FERMT2: variants seen among roughly 807,000 people sequenced by gnomAD.
The protein encoded by FERMT2 is FERM domain containing kindlin 2.
A neutral mutation model predicts 82.7 loss-of-function variants in FERMT2; 15 were observed. The observed-to-expected ratio is 0.18, with a 90% CI of 0.12 to 0.28. FERMT2 has a LOEUF of 0.28. Ranked by LOEUF, FERMT2 falls within the 10% of genes least tolerant of loss-of-function variation. The probability of loss-of-function intolerance (pLI) is 1.00; values close to 1 mark genes in which losing one functional copy is unlikely to be tolerated. For synonymous variants in FERMT2, 274 were observed against 271.5 expected (o/e 1.01, Z -0.09); for missense variants, 645 against 809.4 (o/e 0.80, Z 2.46).
intron 3 of FERMT2, among the ~76,000 whole-genome samples, chr14:52,917,529 C>G (rs533918770): frequency 2.1e-4 from 32 of 151,830 alleles, no homozygotes; most frequent in East Asian, 9.7e-4. Context: ...TAATAAAAAC[C>G]CTGTTTCACT....
At chr14:52,912,302 T>C (rs985673531) in intron 3 of FERMT2, among the ~76,000 whole-genome samples, 1 of 152,132 alleles carries the variant, frequency 6.6e-6, no homozygotes, top group Non-Finnish European at 1.5e-5. Context: ...CTCTAATATA[T>C]CTACAAATAA....
At chr14:52,897,041 CACACACA>C (rs1329357854) in intron 3 of FERMT2, among the ~76,000 whole-genome samples, 25 of 122,916 alleles carry the variant, frequency 2.0e-4, no homozygotes, top group Admixed American at 1.4e-3. Flanking sequence ...CACACACACA[CACACACA>C]CCATGGTAGA....
intron 3 of FERMT2, among the ~76,000 whole-genome samples, chr14:52,917,442 G>A (rs1888677195): frequency 6.6e-6 from 1 of 152,042 alleles, no homozygotes; most frequent in African/African-American, 2.4e-5. Context: ...TTGACAAAAT[G>A]ACAAAATATC....
chr14:52,929,517 T>C lies in FERMT2; in HGVS notation c.158-10161A>G, dbSNP rs150392296. Among the ~76,000 whole-genome samples the C allele has an allele frequency of 5.0e-3, 760 of 152,304 alleles. 9 individuals are homozygous for C. The highest frequency in any genetic ancestry group is 0.017 in the African/African-American group (727 of 41,578). The stretch of plus-strand genomic sequence containing the variant: ...CTACAAAGCCCCACACAATACAGCC[T>C]ATCTACTCCTCCAAATTTATCCTGT... On this transcript the variant is annotated intron_variant, in intron 2 of 14. Coordinates refer to ENST00000341590, the MANE Select transcript of FERMT2 (RefSeq NM_006832.3).
intron 2 of FERMT2, among the ~76,000 whole-genome samples, chr14:52,942,900 G>C (rs991782718): frequency 6.6e-6 from 1 of 152,098 alleles, no homozygotes; most frequent in African/African-American, 2.4e-5. Context: ...AATAAAGTAT[G>C]TGAAAAAGAA....
chr14:52,947,118 T>C (rs1173500154), intron 2 of FERMT2, among the ~76,000 whole-genome samples: 1 of 152,260 alleles, frequency 6.6e-6, no homozygotes, highest in African/African-American at 2.4e-5. Flanking sequence ...GCCCACTTCA[T>C]GACATATGCT....
intron 6 of FERMT2, among the ~76,000 whole-genome samples, chr14:52,879,391 C>T (rs1254520733): frequency 6.6e-6 from 1 of 152,070 alleles, no homozygotes; most frequent in Non-Finnish European, 1.5e-5. Flanking sequence ...TTCCATTATA[C>T]CAGTTGAGTG....
chr14:52,885,071 G>C lies in FERMT2; in HGVS notation c.527-3602C>G, dbSNP rs566310181. 2.6e-5 allele frequency among the ~76,000 whole-genome samples: 4 copies of C among 152,060 alleles called. No homozygotes were observed. The East Asian group carries it at 7.7e-4, about 29-fold the overall frequency. On this transcript the variant is annotated intron_variant, in intron 4 of 14. Coordinates refer to ENST00000341590, the MANE Select transcript of FERMT2 (RefSeq NM_006832.3). The stretch of plus-strand genomic sequence containing the variant: ...CTCATGCCTGTAATGCCCGCACTTT[G>C]AGAGGCCAAGGCGGGTGGATCACCT...
At chr14:52,883,686 T>C (rs1886418630) in intron 4 of FERMT2, among the ~76,000 whole-genome samples, 1 of 152,206 alleles carries the variant, frequency 6.6e-6, no homozygotes, top group African/African-American at 2.4e-5. Context: ...CCAAATCGCA[T>C]GTCTAATTGT....
intron 10 of FERMT2, chr14:52,871,497 G>A (rs186265412): frequency 6.6e-6 from 1 of 152,310 alleles, no homozygotes; most frequent in East Asian, 1.9e-4. Flanking sequence ...GCTCATTAAC[G>A]CTCTGCAAAG....
chr14:52,927,622 A>AC (rs1889356999), intron 2 of FERMT2, among the ~76,000 whole-genome samples: 1 of 149,802 alleles, frequency 6.7e-6, no homozygotes, highest in Non-Finnish European at 1.5e-5. Flanking sequence ...AAAAAAAAAA[A>AC]ATCCAGGCAT....
At chr14:52,937,912 C>G (rs17125950) in intron 2 of FERMT2, among the ~76,000 whole-genome samples, 1,798 of 152,274 alleles carry the variant, frequency 0.012, 52 homozygotes, top group East Asian at 0.074. Context: ...CCAAAAGGAT[C>G]CTCAATAAAA....
At chr14:52,870,737 T>C (rs1885568274) in intron 10 of FERMT2, among the ~76,000 whole-genome samples, 1 of 152,232 alleles carries the variant, frequency 6.6e-6, no homozygotes, top group Non-Finnish European at 1.5e-5. Flanking sequence ...ACACACTCCA[T>C]AATGTTCACA....
chr14:52,939,756 C>T (rs1306090968), intron 2 of FERMT2, among the ~76,000 whole-genome samples: 1 of 152,166 alleles, frequency 6.6e-6, no homozygotes, highest in East Asian at 1.9e-4. Context: ...CAACAGAAAT[C>T]ATTGCCACCT....
intron 2 of FERMT2, among the ~76,000 whole-genome samples, chr14:52,932,562 A>G (rs1889640604): frequency 6.6e-6 from 1 of 152,244 alleles, no homozygotes; most frequent in Non-Finnish European, 1.5e-5. Flanking sequence ...AGACTTTGAA[A>G]CAACCAAAGA....
At chr14:52,916,431 G>A (rs4901311) in intron 3 of FERMT2, among the ~76,000 whole-genome samples, 21,282 of 151,638 alleles carry the variant, frequency 0.14, 1,718 homozygotes, top group African/African-American at 0.22. Context: ...CCTATTACGA[G>A]GTGAAAGAAA....
chr14:52,893,524 C>A, intron 3 of FERMT2, 97 bp from the exon 4 acceptor site: 1 of 920,434 alleles, frequency 1.1e-6, no homozygotes, highest in Non-Finnish European at 1.6e-6. Context: ...GTGTAACTTC[C>A]TTCTGTATGT....
At chr14:52,859,858 C>G in intron 13 of FERMT2, 144 bp from the exon 14 acceptor site, 1 of 455,442 alleles carries the variant, frequency 2.2e-6, no homozygotes, top group East Asian at 3.7e-5. Context: ...TGCTCTGTTG[C>G]CCAGGCTGGA....
intron 2 of FERMT2, among the ~76,000 whole-genome samples, chr14:52,942,897 T>C (rs925252307): frequency 3.3e-5 from 5 of 152,090 alleles, no homozygotes; most frequent in Non-Finnish European, 7.4e-5. Flanking sequence ...AAAAATAAAG[T>C]ATGTGAAAAA....
Sources: allele counts gnomAD v4.1 joint callset (sites outside exome capture counted in the v4.1 genomes callset), GRCh38; gene constraint gnomAD v4.1.1; transcripts MANE v1.5; gene names NCBI Gene and HGNC (gene_info 2026-07-23, HGNC 2026-07-21).